Variants in NRG1 observed in about 807,000 individuals in gnomAD.
The protein encoded by NRG1 is neuregulin 1.
NRG1 carries 18 observed loss-of-function variants against 63.8 expected under a neutral mutation model. The ratio of observed to expected loss-of-function variants is 0.28; its 90% confidence interval spans 0.19 to 0.42. NRG1 has a LOEUF of 0.42. Ranked by LOEUF, NRG1 falls within the 10% of genes least tolerant of loss-of-function variation. The probability of loss-of-function intolerance (pLI) is 1.00; values close to 1 mark genes in which losing one functional copy is unlikely to be tolerated. For synonymous variants in NRG1, 302 were observed against 301.3 expected (o/e 1.00, Z -0.02); for missense variants, 762 against 814.7 (o/e 0.94, Z 0.79).
chr8:32,223,021 C>A (rs1022457063), intron 1 of NRG1, among the ~76,000 whole-genome samples: 1 of 152,108 alleles, frequency 6.6e-6, no homozygotes, highest in African/African-American at 2.4e-5. Context: ...TGTAGTGCAA[C>A]TATGTTGTTC....
At chr8:32,645,026 T>G (rs559418976) in intron 5 of NRG1, among the ~76,000 whole-genome samples, 32 of 152,278 alleles carry the variant, frequency 2.1e-4, no homozygotes, top group African/African-American at 7.2e-4. Flanking sequence ...ATAATAGTTT[T>G]GGTTTAGGTC....
At chr8:32,219,091 T>C (rs1001172590) in intron 1 of NRG1, among the ~76,000 whole-genome samples, 2 of 152,222 alleles carry the variant, frequency 1.3e-5, no homozygotes, top group African/African-American at 4.8e-5. Context: ...CAAAAATCTA[T>C]TAAAATTTTA....
intron 1 of NRG1, among the ~76,000 whole-genome samples, chr8:31,861,364 A>G (rs1478568323): frequency 6.6e-6 from 1 of 152,160 alleles, no homozygotes; most frequent in Non-Finnish European, 1.5e-5. Context: ...AGGGCTGTGA[A>G]CATTCCTACA....
intron 1 of NRG1, among the ~76,000 whole-genome samples, chr8:32,426,504 G>A (rs1817389624): frequency 6.6e-6 from 1 of 152,186 alleles, no homozygotes; most frequent in Admixed American, 6.5e-5. Context: ...CTACTGTAAT[G>A]TATAAAACAA....
chr8:31,666,086 C>T (rs1806511952), intron 1 of NRG1, among the ~76,000 whole-genome samples: 1 of 152,076 alleles, frequency 6.6e-6, no homozygotes, highest in South Asian at 2.1e-4. Context: ...AACCAACAGC[C>T]CTTCGAAAGG....
intron 5 of NRG1, among the ~76,000 whole-genome samples, chr8:32,644,906 T>G (rs955639056): frequency 6.6e-6 from 1 of 152,104 alleles, no homozygotes; most frequent in African/African-American, 2.4e-5. Context: ...CTATGGGTTA[T>G]CATGCTTGGT....
At chr8:32,049,879 C>G (rs1821689612) in intron 1 of NRG1, among the ~76,000 whole-genome samples, 1 of 152,136 alleles carries the variant, frequency 6.6e-6, no homozygotes, top group Non-Finnish European at 1.5e-5. Context: ...TCTGAGCCTT[C>G]TCAGTGCTAT....
At chr8:32,446,672 G>T (rs191741269) in intron 1 of NRG1, among the ~76,000 whole-genome samples, 71 of 146,640 alleles carry the variant, frequency 4.8e-4, no homozygotes, top group African/African-American at 1.6e-3. Context: ...AAAAAAAAAG[G>T]AAGATTGATT....
intron 1 of NRG1, among the ~76,000 whole-genome samples, chr8:32,244,991 T>C (rs1387716552): frequency 6.6e-6 from 1 of 152,172 alleles, no homozygotes; most frequent in Admixed American, 6.6e-5. Context: ...GTTGAGTTTC[T>C]TGAAGCTAGG....
At chr8:31,694,131 T>C (rs1028158506) in intron 1 of NRG1, among the ~76,000 whole-genome samples, 1 of 152,152 alleles carries the variant, frequency 6.6e-6, no homozygotes, top group African/African-American at 2.4e-5. Context: ...GTGTAAACCA[T>C]TGTGCCCAGC....
chr8:31,926,811 T>G (rs184566045), intron 1 of NRG1, among the ~76,000 whole-genome samples: 1 of 152,194 alleles, frequency 6.6e-6, no homozygotes, highest in African/African-American at 2.4e-5. Flanking sequence ...ATCTTTGGTG[T>G]CTTTCTATGT....
intron 1 of NRG1, among the ~76,000 whole-genome samples, chr8:31,644,339 A>T (rs1460584815): frequency 6.6e-6 from 1 of 152,212 alleles, no homozygotes; most frequent in Admixed American, 6.5e-5. Context: ...CTATGTATTT[A>T]TTTATATGTA....
intron 5 of NRG1, among the ~76,000 whole-genome samples, chr8:32,708,220 A>G (rs991983212): frequency 6.6e-6 from 1 of 152,148 alleles, no homozygotes; most frequent in Non-Finnish European, 1.5e-5. Context: ...ATTGAAAAAG[A>G]CCTCTGAAAC....
chr8:31,761,661 G>A (rs961365326), intron 1 of NRG1, among the ~76,000 whole-genome samples: 1 of 152,078 alleles, frequency 6.6e-6, no homozygotes, highest in African/African-American at 2.4e-5. Context: ...CATTTGTTAA[G>A]TTGACCATCT....
At chr8:32,756,857 A>C (rs1296158567) in intron 9 of NRG1, among the ~76,000 whole-genome samples, 1 of 152,152 alleles carries the variant, frequency 6.6e-6, no homozygotes, top group East Asian at 1.9e-4. Context: ...ATCAAAAAGA[A>C]TGTTTTCATA....
chr8:31,739,137 T>A (rs1815003222), intron 1 of NRG1, among the ~76,000 whole-genome samples: 1 of 152,092 alleles, frequency 6.6e-6, no homozygotes, highest in Admixed American at 6.6e-5. Flanking sequence ...TATTTCTGGC[T>A]CTACTCCCAT....
At chr8:31,720,735 G>A (rs1812829390) in intron 1 of NRG1, among the ~76,000 whole-genome samples, 1 of 152,202 alleles carries the variant, frequency 6.6e-6, no homozygotes, top group Admixed American at 6.5e-5. Flanking sequence ...GATCAAGGAA[G>A]AAAGGAACAA....
chr8:31,854,631 A>T (rs899232759), intron 1 of NRG1, among the ~76,000 whole-genome samples: 1 of 151,774 alleles, frequency 6.6e-6, no homozygotes, highest in Non-Finnish European at 1.5e-5. Context: ...CTCTGATCTT[A>T]GTTATTTCTT....
rs552272663 is a variant in NRG1, at chr8:32,004,158, G to A, written c.37+364727G>A. On this transcript the variant is annotated intron_variant, in intron 1 of 10. Coordinates refer to the NRG1 transcript ENST00000519301. Reference sequence around the variant, plus strand: ...AAAGGCTGTATGATTGCAGCCCCACGACCTTCTGGGAAAGGGAAGACCATG... The same window carrying A: ...AAAGGCTGTATGATTGCAGCCCCACAACCTTCTGGGAAAGGGAAGACCATG... Among the ~76,000 whole-genome samples, 10 of 151,940 alleles carry A rather than the reference G, an allele frequency of 6.6e-5. 1 individual carries two copies. The South Asian group carries it at 1.9e-3, about 28-fold the overall frequency.
Sources: allele counts gnomAD v4.1 joint callset (sites outside exome capture counted in the v4.1 genomes callset), GRCh38; gene constraint gnomAD v4.1.1; transcripts MANE v1.5; gene names NCBI Gene and HGNC (gene_info 2026-07-23, HGNC 2026-07-21).